The following DENND1B variants were observed in gnomAD, a reference collection of about 807,000 sequenced individuals.
DENND1B encodes the protein DENN domain containing 1B, also known as DENN domain-containing protein 1B.
DENND1B carries 59 observed loss-of-function variants against 90.1 expected under a neutral mutation model. The ratio of observed to expected loss-of-function variants is 0.65; its 90% CI spans 0.53 to 0.81. The LOEUF is 0.81. DENND1B is among the 40% of genes least tolerant of loss of function. DENND1B has a pLI of 0.00. For synonymous variants in DENND1B, 337 were observed against 324.6 expected, an observed-to-expected ratio of 1.04 and a Z score of -0.41; for missense variants, 862 against 912.6, an observed-to-expected ratio of 0.94 and a Z score of 0.71.
chr1:197,683,399 A>T (rs1051026824), intron 3 of DENND1B, among the ~76,000 whole-genome samples: 2 of 152,150 alleles, frequency 1.3e-5, no homozygotes, highest in African/African-American at 4.8e-5. Flanking sequence ...AAAAGGGGCA[A>T]GACTAAATGC....
chr1:197,630,851 GA>G (rs1679259789), intron 10 of DENND1B, among the ~76,000 whole-genome samples: 1 of 152,034 alleles, frequency 6.6e-6, no homozygotes, highest in South Asian at 2.1e-4. Context: ...ATACAGTAAT[GA>G]ACAAAACATA....
chr1:197,696,893 CAA>C (rs533976295), intron 3 of DENND1B, among the ~76,000 whole-genome samples: 6 of 106,842 alleles, frequency 5.6e-5, no homozygotes, highest in African/African-American at 1.0e-4. Flanking sequence ...CAGAGACATG[CAA>C]AAAAAAAAAA....
chr1:197,720,464 C>T (rs1354785198), intron 2 of DENND1B, among the ~76,000 whole-genome samples: 1 of 151,912 alleles, frequency 6.6e-6, no homozygotes, highest in Non-Finnish European at 1.5e-5. Context: ...TGGTCTTGAA[C>T]TCGTGGGCTC....
chr1:197,754,250 C>A (rs1345655881), intron 2 of DENND1B, among the ~76,000 whole-genome samples: 1 of 152,066 alleles, frequency 6.6e-6, no homozygotes, highest in Non-Finnish European at 1.5e-5. Context: ...GACTATATAT[C>A]TTTTCGGAAA....
At chr1:197,764,046 A>G (rs987257024) in intron 2 of DENND1B, among the ~76,000 whole-genome samples, 6 of 152,252 alleles carry the variant, frequency 3.9e-5, no homozygotes, top group African/African-American at 1.4e-4. Context: ...CAAGCCTAGA[A>G]TCAGTCAGGG....
At chr1:197,595,062 G>T in intron 14 of DENND1B, 146 bp downstream of exon 14, 1 of 1,136,546 alleles carries the variant, frequency 8.8e-7, no homozygotes, top group Non-Finnish European at 1.2e-6. Flanking sequence ...TGAAATGTAT[G>T]TTTTGAAACA....
rs1276841152 is a variant in DENND1B at position 197,510,786 on chromosome 1, T to C, written c.2002A>G (p.Ser668Gly). The change falls in exon 23 of 23, where the codon AGT becomes GGT. Residue 668 changes from serine to glycine, a missense_variant. By Grantham distance (56) the Ser-to-Gly change is moderately conservative (BLOSUM62 0). Transcript: ENST00000620048. ...TTGTCAGCACCGAGGTGCTTGTTACTGTTTTCCTCTTTCAGGATAAACAGA... is the reference window on the plus strand; with the variant it reads ...TTGTCAGCACCGAGGTGCTTGTTACCGTTTTCCTCTTTCAGGATAAACAGA... ...DSLFILKEEN[S>G]NKHLGADNVS... is the part of the protein sequence containing the mutation. 6.2e-7 allele frequency: 1 copy of C among 1,612,318 alleles called. No individual in the cohort carries two copies. The highest frequency in any genetic ancestry group is 1.3e-5 in the African/African-American group (1 of 74,752).
At position 197,714,991 on chromosome 1, in the gene DENND1B, C is replaced by A. The variant is rs150548097; in HGVS notation, c.126+40G>T. On this transcript the variant is annotated intron_variant, in intron 3 of 22. Transcript: ENST00000620048. Reference sequence around the variant, plus strand: ...AGTAATAGTAGCAACAATCATAATACTTCAACTTTAAATTTTTTAAAAAAT... The same window carrying A: ...AGTAATAGTAGCAACAATCATAATAATTCAACTTTAAATTTTTTAAAAAAT... 5.9e-4 allele frequency: 879 copies of A among 1,502,492 alleles called. 20 individuals carry two copies. The East Asian group carries it at 0.02, about 34-fold the overall frequency. The allele number at this position is 1,502,492 out of a possible 1,614,324, so 93.1% of individuals were successfully genotyped here.
Position 197,674,234 on chromosome 1 carries a change from C to T in DENND1B, c.127-65G>A, listed in dbSNP as rs574347727. On this transcript the variant is annotated intron_variant, in intron 3 of 22. Coordinates refer to ENST00000620048, the MANE Select transcript of DENND1B (RefSeq NM_001195215.2). ...AATATTTTTTAAGAAGCAGTTAAAACTTCTTTGAGACATTTTCTAGGAGAA... is the reference window on the plus strand; with the variant it reads ...AATATTTTTTAAGAAGCAGTTAAAATTTCTTTGAGACATTTTCTAGGAGAA... The T allele has an allele frequency of 8.8e-5, 106 of 1,207,806 alleles. No individual in the cohort carries two copies. In the African/African-American group the frequency reaches 1.5e-3, roughly 17 times the overall value. 74.8% of individuals were successfully genotyped at this position (1,207,806 alleles called of 1,614,324 possible).
intron 2 of DENND1B, among the ~76,000 whole-genome samples, chr1:197,752,022 A>G (rs963629323): frequency 6.6e-6 from 1 of 150,814 alleles, no homozygotes; most frequent in African/African-American, 2.5e-5. Flanking sequence ...GAAGGAAGAG[A>G]AGGAGGAGGA....
chr1:197,753,726 C>T (rs966091516), intron 2 of DENND1B, among the ~76,000 whole-genome samples: 2 of 152,052 alleles, frequency 1.3e-5, no homozygotes, highest in South Asian at 2.1e-4. Flanking sequence ...GATGGCCACG[C>T]GCGGTGGCTC....
chr1:197,540,614 AC>A (rs1375880750), intron 19 of DENND1B, among the ~76,000 whole-genome samples: 1 of 152,160 alleles, frequency 6.6e-6, no homozygotes, highest in Non-Finnish European at 1.5e-5. Flanking sequence ...TTCCTGGGTT[AC>A]TTCTACACAA....
chr1:197,772,980 C>A, intron 1 of DENND1B, 48 bp from the exon 2 acceptor site: 1 of 1,414,096 alleles, frequency 7.1e-7, no homozygotes, highest in South Asian at 1.2e-5. Context: ...ATAAACATCT[C>A]CATGAAACTT....
At chr1:197,621,563 T>C (rs1253995509) in intron 10 of DENND1B, among the ~76,000 whole-genome samples, 1 of 151,400 alleles carries the variant, frequency 6.6e-6, no homozygotes, top group Non-Finnish European at 1.5e-5. Flanking sequence ...TATGATATAT[T>C]GAATCTTTAA....
At chr1:197,752,878 T>C (rs1239777260) in intron 2 of DENND1B, among the ~76,000 whole-genome samples, 2 of 151,924 alleles carry the variant, frequency 1.3e-5, no homozygotes, top group African/African-American at 2.4e-5. Flanking sequence ...AGTGAGAACA[T>C]GCAGTGTTTG....
chr1:197,605,138 A>C (rs895419198), intron 13 of DENND1B, among the ~76,000 whole-genome samples: 7 of 150,954 alleles, frequency 4.6e-5, no homozygotes, highest in Non-Finnish European at 1.0e-4. Flanking sequence ...TATATTTTTA[A>C]ATATTTCAGT....
At chr1:197,753,857 G>C (rs1403452725) in intron 2 of DENND1B, among the ~76,000 whole-genome samples, 1 of 151,778 alleles carries the variant, frequency 6.6e-6, no homozygotes, top group Non-Finnish European at 1.5e-5. Context: ...AAAAAAAACT[G>C]GGTGTGGTGG....
In DENND1B at chr1:197,590,106, T is replaced by C. The variant is rs75081636; in HGVS notation, c.1047+5102A>G. Among the ~76,000 whole-genome samples the C allele has an allele frequency of 5.7e-3, 864 of 152,326 alleles. 11 individuals are homozygous for C. Among genetic ancestry groups the C allele is most frequent in the African/African-American group, 0.019 (807 of 41,576 alleles). On this transcript the variant is annotated intron_variant, in intron 14 of 22. Coordinates refer to ENST00000620048, the MANE Select transcript of DENND1B (RefSeq NM_001195215.2). ...TGTCATGTTTAAGGCAGTGTTTTCC[T>C]TTCTGGAAAGATGCTTTGTTTGTGG...
At chr1:197,511,602 GAAGTTT>G in intron 22 of DENND1B, 120 bp downstream of exon 22, 1 of 500,712 alleles carries the variant, frequency 2.0e-6, no homozygotes, top group Non-Finnish European at 3.3e-6. Context: ...TCATATTTTT[GAAGTTT>G]TGACCCTTAC....
Sources: allele counts gnomAD v4.1 joint callset (sites outside exome capture counted in the v4.1 genomes callset), GRCh38; gene constraint gnomAD v4.1.1; transcripts MANE v1.5; gene names NCBI Gene and HGNC (gene_info 2026-07-23, HGNC 2026-07-21).